The following GC variants were observed in gnomAD, a reference collection of about 807,000 sequenced individuals.
GC encodes the protein vitamin D-binding protein.
Under a neutral mutation model 56.7 loss-of-function variants are expected in GC, and 43 were observed. The ratio of observed to expected loss-of-function variants is 0.76; its 90% CI spans 0.59 to 0.98. GC has a LOEUF of 0.98. Ranked by LOEUF, GC falls within the 50% of genes least tolerant of loss-of-function variation. The pLI is 0.00. For missense variants in GC, 529 were observed against 545.9 expected (o/e 0.97, Z 0.31); for synonymous variants, 216 against 202.7 (o/e 1.07, Z -0.56).
intron 1 of GC, chr4:71,803,920 C>CAGT (rs1743305400): frequency 6.7e-7 from 1 of 1,483,294 alleles, no homozygotes; most frequent in Non-Finnish European, 9.1e-7. Context: ...AATTAGAACG[C>CAGT]AGTACCTCAC....
At chr4:71,746,772 TAAAAAAAA>T (rs34865299) in intron 11 of GC, among the ~76,000 whole-genome samples, 1 of 100,658 alleles carries the variant, frequency 9.9e-6, no homozygotes, top group African/African-American at 4.2e-5. Context: ...CTCTATTTTG[TAAAAAAAA>T]AAAAAAAAAA....
At chr4:71,768,194 G>T in intron 3 of GC, 107 bp downstream of exon 3, 1 of 805,748 alleles carries the variant, frequency 1.2e-6, no homozygotes, top group Non-Finnish European at 1.9e-6. Context: ...CCCCAAACTA[G>T]GAGTAAATGG....
chr4:71,756,330 T>C (rs921525165), intron 8 of GC, among the ~76,000 whole-genome samples: 5 of 152,228 alleles, frequency 3.3e-5, no homozygotes, highest in African/African-American at 1.2e-4. Context: ...CTTACATTTC[T>C]ACATGCATTT....
intron 1 of GC, 58 bp from the exon 2 acceptor site, chr4:71,769,458 C>T (rs1560702244): frequency 1.8e-6 from 2 of 1,085,432 alleles, no homozygotes; most frequent in African/African-American, 3.1e-5. Flanking sequence ...TATTATGTTA[C>T]ATGTACATGT....
chr4:71,788,591 A>G (rs1334118475), upstream of GC, among the ~76,000 whole-genome samples: 1 of 149,768 alleles, frequency 6.7e-6, no homozygotes, highest in African/African-American at 2.5e-5. Context: ...CAGATATTTA[A>G]GAGAAATGAT....
intron 12 of GC, among the ~76,000 whole-genome samples, chr4:71,744,299 AAAAAC>A (rs1741282998): frequency 1.3e-5 from 2 of 150,788 alleles, no homozygotes; most frequent in Non-Finnish European, 3.0e-5. Flanking sequence ...AAAAAAAAAA[AAAAAC>A]CCAAATTAGC....
At chr4:71,783,390 A>T (rs1388860029) in intron 1 of GC, among the ~76,000 whole-genome samples, 1 of 151,830 alleles carries the variant, frequency 6.6e-6, no homozygotes, top group East Asian at 1.9e-4. Context: ...AATTTCAATG[A>T]AAAATATAAC....
intron 1 of GC, among the ~76,000 whole-genome samples, chr4:71,771,847 G>T (rs1020306927): frequency 6.6e-6 from 1 of 152,136 alleles, no homozygotes; most frequent in Non-Finnish European, 1.5e-5. Flanking sequence ...ACACAGAGAA[G>T]AATAATTAGG....
At chr4:71,749,737 C>A (rs1026292993) in intron 11 of GC, among the ~76,000 whole-genome samples, 2 of 152,106 alleles carry the variant, frequency 1.3e-5, no homozygotes, top group African/African-American at 4.8e-5. Context: ...GACAATCCAG[C>A]TTCTTCTGTT....
At chr4:71,790,310 A>G (rs1742936827) in intron 1 of GC, among the ~76,000 whole-genome samples, 1 of 152,064 alleles carries the variant, frequency 6.6e-6, no homozygotes, top group South Asian at 2.1e-4. Context: ...TAATATAGCC[A>G]TGACAACTTT....
chr4:71,766,804 T>G (rs1560700474), intron 3 of GC, among the ~76,000 whole-genome samples: 1 of 152,152 alleles, frequency 6.6e-6, no homozygotes. Flanking sequence ...CCCTTCTTTT[T>G]GCCTTTTTAA....
At position 71,768,550 on chromosome 4, in the gene GC, T is replaced by G. The variant is rs1445812341; in HGVS notation, c.129-117A>C. ...GTGGTGTGATCTCAGCTCACTGCAC[T>G]CTCTGCCTCCCAGGTTCAAGCAATT... On this transcript the variant is annotated intron_variant, in intron 2 of 12. Transcript: ENST00000273951. The G allele has an allele frequency of 3.9e-6, 3 of 772,430 alleles. No individual in the cohort carries two copies. The African/African-American group carries it at 5.4e-5, about 14-fold the overall frequency. The allele number at this position is 772,430 out of a possible 1,614,324, so 47.8% of individuals were successfully genotyped here.
rs151075859 is a variant in GC, at chr4:71,796,749, G to T, written c.21+7177C>A. ...TCCTTTGGAGGAGAAGAGGTGCTCT[G>T]GTTTTTAGAATTTTCAGCTTTTCTG... On this transcript the variant is annotated intron_variant, in intron 1 of 13. Transcript: ENST00000504199. 2.3e-3 allele frequency among the ~76,000 whole-genome samples: 352 copies of T among 152,240 alleles called. 1 individual carries two copies. The highest frequency in any genetic ancestry group is 8.1e-3 in the African/African-American group (338 of 41,546).
At chr4:71,762,041 A>G (rs1741997284) in intron 6 of GC, among the ~76,000 whole-genome samples, 1 of 152,208 alleles carries the variant, frequency 6.6e-6, no homozygotes, top group African/African-American at 2.4e-5. Flanking sequence ...TCCAGACCCC[A>G]GAATGGTAGA....
chr4:71,756,660 T>C (rs1741781777), intron 8 of GC, 52 bp downstream of exon 8: 1 of 1,303,956 alleles, frequency 7.7e-7, no homozygotes, highest in Non-Finnish European at 1.1e-6. Context: ...CCCCCACTTT[T>C]TGTCCAGATG....
chr4:71,759,118 T>C (rs1741881469), intron 6 of GC, among the ~76,000 whole-genome samples: 1 of 152,092 alleles, frequency 6.6e-6, no homozygotes. Flanking sequence ...GACAGGATTT[T>C]CTTTTTTTTT....
chr4:71,764,061 A>C lies in GC; in HGVS notation c.474-125T>G, dbSNP rs549471920. On this transcript the variant is annotated intron_variant, in intron 4 of 12. Transcript: ENST00000273951. ...ACATGGTATAATCATAGCTCACTGCAGTCTCAACCTCCTGGCCTCAAGCGA... is the reference window on the plus strand; with the variant it reads ...ACATGGTATAATCATAGCTCACTGCCGTCTCAACCTCCTGGCCTCAAGCGA... 2.3e-5 allele frequency: 16 copies of C among 686,754 alleles called. No homozygotes were observed. In the African/African-American group the frequency reaches 2.8e-4, roughly 12 times the overall value. The allele number at this position is 686,754 out of a possible 1,614,324, so 42.5% of individuals were successfully genotyped here.
chr4:71,799,078 C>G (rs1385439509), intron 1 of GC, among the ~76,000 whole-genome samples: 2 of 152,102 alleles, frequency 1.3e-5, no homozygotes, highest in Non-Finnish European at 2.9e-5. Flanking sequence ...TTTGGCATGA[C>G]AGTGTGAGGA....
upstream of GC, among the ~76,000 whole-genome samples, chr4:71,804,495 C>G (rs993121346): frequency 6.6e-6 from 1 of 151,988 alleles, no homozygotes; most frequent in African/African-American, 2.4e-5. Context: ...TTTTGCCAGC[C>G]AATTGATTCT....
Sources: gnomAD v4.1 joint callset for allele counts (sites outside exome capture counted in the v4.1 genomes callset) on GRCh38, gnomAD v4.1.1 for gene constraint, MANE v1.5 for transcripts, NCBI Gene and HGNC (gene_info 2026-07-23, HGNC 2026-07-21) for gene names.